IGF2R: variants seen among roughly 807,000 people sequenced by gnomAD.
IGF2R encodes the protein cation-independent mannose-6-phosphate receptor.
A neutral mutation model predicts 270.6 loss-of-function variants in IGF2R; 91 were observed. That is an observed-to-expected ratio of 0.34 (90% CI 0.28 to 0.40). The LOEUF (loss-of-function observed/expected upper bound fraction) is 0.40, where lower values mean the gene tolerates loss of function less well. IGF2R is among the 10% of genes least tolerant of loss of function. The pLI is 1.00. For synonymous variants in IGF2R, 1,316 were observed against 1,258.9 expected, an observed-to-expected ratio of 1.05 and a Z score of -0.96; for missense variants, 2,805 against 3,188.3, an observed-to-expected ratio of 0.88 and a Z score of 2.90.
chr6:160,070,729 G>T (rs1246322736), intron 31 of IGF2R, among the ~76,000 whole-genome samples: 1 of 152,188 alleles, frequency 6.6e-6, no homozygotes, highest in East Asian at 1.9e-4. Flanking sequence ...GCTGAGTTGG[G>T]CATTAACTCG....
intron 1 of IGF2R, among the ~76,000 whole-genome samples, chr6:159,984,884 A>G (rs1027248375): frequency 1.3e-5 from 2 of 152,188 alleles, no homozygotes; most frequent in Non-Finnish European, 2.9e-5. Flanking sequence ...CTTTTATTAC[A>G]GTTATAATTG....
chr6:160,107,594 ATTT>A lies in IGF2R; in HGVS notation c.*2514_*2516del, dbSNP rs950189809. On this transcript the variant is annotated 3_prime_UTR_variant, in exon 48 of 48. Coordinates refer to ENST00000356956, the MANE Select transcript of IGF2R (RefSeq NM_000876.4). ...GGGTATTTAGCTTCCTTTCAACAAA[ATTT>A]TTTGTGCCCCTTTCTTGAGACTGTC... The A allele has an allele frequency of 9.2e-5, 14 of 152,198 alleles. No individual in the cohort carries two copies. The highest frequency in any genetic ancestry group is 2.1e-4 in the South Asian group (1 of 4,832). The allele number at this position is 152,198 out of a possible 1,614,324, so 9.4% of individuals were successfully genotyped here. A position where few individuals can be genotyped will look rare whatever the true frequency, so the allele number is the denominator to read the frequency against.
intron 3 of IGF2R, chr6:160,010,476 A>G: frequency 2.1e-6 from 1 of 469,714 alleles, no homozygotes; most frequent in Non-Finnish European, 3.8e-6. Context: ...TAGTTACACA[A>G]AATCCCAACA....
chr6:159,969,166 G>C lies in IGF2R; in HGVS notation c.-81G>C, dbSNP rs1370894416. On this transcript the variant is annotated 5_prime_UTR_variant, in exon 1 of 48. Transcript: ENST00000356956. ...CTCCACCTCCGCCTTTGCCCTGGCG[G>C]CGCGACCCCGTCCCGGGCGCGGCCC... is the stretch of plus-strand genomic sequence containing the variant. 8 of 851,638 alleles carry C rather than the reference G, an allele frequency of 9.4e-6. No individual in the cohort carries two copies. Among genetic ancestry groups the C allele is most frequent in the Non-Finnish European group, 1.1e-5 (8 of 709,272 alleles). 52.8% of individuals were successfully genotyped at this position (851,638 alleles called of 1,614,324 possible).
rs1474148869 is a variant in IGF2R at position 160,050,407 on chromosome 6, C to A, written c.2515-66C>A. 4.8e-6 allele frequency: 7 copies of A among 1,455,108 alleles called. No individual in the cohort carries two copies. The highest frequency in any genetic ancestry group is 1.9e-5 in the Admixed American group (1 of 52,554). 90.1% of individuals were successfully genotyped at this position (1,455,108 alleles called of 1,614,324 possible). A position where few individuals can be genotyped will look rare whatever the true frequency, so the allele number is the denominator to read the frequency against. ...TTGCTGCAGCTTTATAGAATGTAAC[C>A]ACCACCAATAACGAATCGACTGTAT... On this transcript the variant is annotated intron_variant, in intron 18 of 47. Transcript: ENST00000356956. The surrounding 1 kb of genome is among the most constrained non-coding windows in gnomAD (Gnocchi z 4.0).
chr6:160,065,802 GTGTGTGTGTGTGTATATATATA>G (rs1562364380), intron 29 of IGF2R, among the ~76,000 whole-genome samples: 1 of 61,702 alleles, frequency 1.6e-5, no homozygotes, highest in African/African-American at 7.6e-5. Context: ...GTGTGTGTGT[GTGTGTGTGTGTGTATATATATA>G]TATATATATA....
At chr6:160,058,626 T>C (rs1236408091) in intron 21 of IGF2R, among the ~76,000 whole-genome samples, 1 of 152,220 alleles carries the variant, frequency 6.6e-6, no homozygotes, top group East Asian at 1.9e-4. Context: ...CTCTTATATA[T>C]GGTACATTAT....
intron 36 of IGF2R, among the ~76,000 whole-genome samples, chr6:160,077,182 C>T (rs1483375823): frequency 6.6e-6 from 1 of 152,192 alleles, no homozygotes; most frequent in Non-Finnish European, 1.5e-5. Context: ...AGTGTAGTGA[C>T]AGTCCTAGTT....
At chr6:159,974,732 A>G (rs1200060266) in intron 1 of IGF2R, among the ~76,000 whole-genome samples, 1 of 152,096 alleles carries the variant, frequency 6.6e-6, no homozygotes, top group Non-Finnish European at 1.5e-5. Flanking sequence ...CCCAGTGGTA[A>G]CAAATAAAAA....
chr6:160,016,904 G>A (rs1415194475), intron 4 of IGF2R, among the ~76,000 whole-genome samples: 1 of 152,240 alleles, frequency 6.6e-6, no homozygotes, highest in Non-Finnish European at 1.5e-5. Context: ...AAACCAAAAA[G>A]TGACAGTTTC....
chr6:160,000,517 C>T (rs1784111113), intron 2 of IGF2R, among the ~76,000 whole-genome samples: 2 of 152,034 alleles, frequency 1.3e-5, no homozygotes, highest in Admixed American at 6.5e-5. Flanking sequence ...ATTTGGGTGG[C>T]GAGACAGAGC....
At chr6:160,038,539 C>T (rs13220128) in intron 10 of IGF2R, among the ~76,000 whole-genome samples, 1 of 152,176 alleles carries the variant, frequency 6.6e-6, no homozygotes, top group Admixed American at 6.5e-5. Flanking sequence ...TGTAAACTTA[C>T]ACGTTTTTCT....
intron 4 of IGF2R, among the ~76,000 whole-genome samples, chr6:160,021,819 A>G (rs1777444350): frequency 6.6e-6 from 1 of 152,210 alleles, no homozygotes; most frequent in Admixed American, 6.5e-5. Flanking sequence ...GGAAAATAGT[A>G]TGGAAATTAA....
At chr6:160,053,799 C>A (rs1299821339) in intron 19 of IGF2R, among the ~76,000 whole-genome samples, 1 of 152,172 alleles carries the variant, frequency 6.6e-6, no homozygotes, top group East Asian at 1.9e-4. Context: ...GCAGCCTCGA[C>A]TTCCTGGGCT....
chr6:160,057,097 A>C (rs1298067764), intron 20 of IGF2R, among the ~76,000 whole-genome samples: 1 of 152,102 alleles, frequency 6.6e-6, no homozygotes, highest in Non-Finnish European at 1.5e-5. Context: ...CAAAGCCCAC[A>C]GGTGTTAATA....
At chr6:160,060,502 GAAT>G in intron 22 of IGF2R, 42 bp from the exon 23 acceptor site, 1 of 1,598,062 alleles carries the variant, frequency 6.3e-7, no homozygotes, top group Non-Finnish European at 8.6e-7. Context: ...GCTGCGCCAT[GAAT>G]ACTGTTCTGT....
intron 30 of IGF2R, 89 bp downstream of exon 30, chr6:160,068,474 G>A (rs1778641298): frequency 6.4e-7 from 1 of 1,561,452 alleles, no homozygotes; most frequent in South Asian, 1.2e-5. Context: ...GTGGGGTGGT[G>A]GTTGTAGTGA....
intron 39 of IGF2R, among the ~76,000 whole-genome samples, chr6:160,083,169 A>G (rs1779023232): frequency 6.6e-6 from 1 of 152,190 alleles, no homozygotes; most frequent in Non-Finnish European, 1.5e-5. Context: ...AGGTCAACAA[A>G]AAACATGTGA....
intron 2 of IGF2R, among the ~76,000 whole-genome samples, chr6:159,994,713 G>A (rs2115186354): frequency 6.6e-6 from 1 of 152,260 alleles, no homozygotes; most frequent in Middle Eastern, 3.4e-3. Context: ...GGTTATTCAG[G>A]AGCAGGTTGT....
Sources: gnomAD v4.1 joint callset for allele counts (sites outside exome capture counted in the v4.1 genomes callset) on GRCh38, gnomAD v4.1.1 for gene constraint, Gnocchi (gnomAD v3.1) non-coding constraint, MANE v1.5 for transcripts, NCBI Gene and HGNC (gene_info 2026-07-23, HGNC 2026-07-21) for gene names.